Variants in EIF2S2 observed in about 807,000 individuals in gnomAD.
EIF2S2 encodes the protein eukaryotic translation initiation factor 2 subunit 2.
Under a neutral mutation model 44.0 loss-of-function variants are expected in EIF2S2, and 4 were observed. That is an observed-to-expected ratio of 0.09 (90% CI 0.04 to 0.21). The LOEUF (loss-of-function observed/expected upper bound fraction) is 0.21. Ranked by LOEUF, EIF2S2 falls within the 10% of genes least tolerant of loss-of-function variation. The pLI, the probability that EIF2S2 is intolerant of heterozygous loss-of-function variation, is 1.00. For missense variants in EIF2S2, 154 were observed against 392.0 expected (o/e 0.39, Z 5.13); for synonymous variants, 108 against 128.3 (o/e 0.84, Z 1.07).
intron 6 of EIF2S2, 63 bp downstream of exon 6, chr20:34,096,594 C>T: frequency 1.3e-6 from 2 of 1,484,010 alleles, no homozygotes; most frequent in Non-Finnish European, 9.1e-7. Context: ...GGACATTTAA[C>T]ATTCTTAAAA....
intron 7 of EIF2S2, among the ~76,000 whole-genome samples, chr20:34,093,016 T>C (rs765939752): frequency 8.5e-5 from 13 of 152,242 alleles, no homozygotes; most frequent in Non-Finnish European, 1.8e-4. Flanking sequence ...TGAAGATTAA[T>C]TGAGATGGCA....
At chr20:34,104,632 C>T (rs2034328242) in intron 2 of EIF2S2, among the ~76,000 whole-genome samples, 1 of 152,162 alleles carries the variant, frequency 6.6e-6, no homozygotes, top group African/African-American at 2.4e-5. Flanking sequence ...TTTTACCTAC[C>T]ATTAATGAGT....
intron 8 of EIF2S2, among the ~76,000 whole-genome samples, chr20:34,090,286 ACAAT>A (rs2122385950): frequency 6.6e-6 from 1 of 152,392 alleles, no homozygotes; most frequent in African/African-American, 2.4e-5. Context: ...CTTCAGCCCT[ACAAT>A]CAACCAGCAG....
chr20:34,096,712 C>T lies in EIF2S2; in HGVS notation c.628G>A (p.Val210Ile), dbSNP rs760616209. ...GAAGTTTTCTTGGTTCCTACTCGGA[C>T]GACTTGTGGAGGTTTCATGACAAAT... ...RKFVMKPPQV[V>I]RVGTKKTSFV... The change falls in exon 6 of 9, where the codon GTC becomes ATC. Residue 210 changes from valine (V) to isoleucine (I), a missense_variant. By Grantham distance (29) the Val-to-Ile change is conservative (BLOSUM62 3). Transcript: ENST00000374980. The T allele has an allele frequency of 3.7e-6, 6 of 1,610,780 alleles. No individual in the cohort carries two copies. The highest frequency in any genetic ancestry group is 4.2e-6 in the Non-Finnish European group (5 of 1,179,524).
chr20:34,099,230 G>A (rs1392971826), intron 3 of EIF2S2, among the ~76,000 whole-genome samples: 2 of 152,144 alleles, frequency 1.3e-5, no homozygotes, highest in African/African-American at 4.8e-5. Context: ...TTAGCTGGAT[G>A]TGGTGGCAGG....
At chr20:34,097,565 A>C in intron 4 of EIF2S2, 49 bp from the exon 5 acceptor site, 1 of 1,483,082 alleles carries the variant, frequency 6.7e-7, no homozygotes, top group Non-Finnish European at 9.3e-7. Context: ...CTACTACAAT[A>C]CAAAAGTGGG....
chr20:34,097,543 G>A (rs1333986245), intron 4 of EIF2S2, 27 bp from the exon 5 acceptor site: 2 of 1,590,376 alleles, frequency 1.3e-6, no homozygotes, highest in Non-Finnish European at 1.7e-6. Context: ...TTTTAAGAAT[G>A]AGGGGTGGGC....
chr20:34,094,475 T>C lies in EIF2S2; in HGVS notation c.684-744A>G, dbSNP rs763208578. Among the ~76,000 whole-genome samples, 13 of 152,196 alleles carry C rather than the reference T, an allele frequency of 8.5e-5. No individual in the cohort carries two copies. The East Asian group carries it at 9.6e-4, about 11-fold the overall frequency. Reference sequence around the variant, plus strand: ...GCAAATGTGTCAAAAGTTCAACATATACCAAACCTAGGTGATGGATACTTG... The same window carrying C: ...GCAAATGTGTCAAAAGTTCAACATACACCAAACCTAGGTGATGGATACTTG... On this transcript the variant is annotated intron_variant, in intron 6 of 8. Coordinates refer to ENST00000374980, the MANE Select transcript of EIF2S2 (RefSeq NM_003908.5).
At chr20:34,098,200 C>T (rs1248915502) in intron 4 of EIF2S2, among the ~76,000 whole-genome samples, 4 of 150,208 alleles carry the variant, frequency 2.7e-5, no homozygotes, top group African/African-American at 4.9e-5. Context: ...GAGCCAAGAT[C>T]GTGTCATTGC....
At chr20:34,098,464 AC>A in intron 4 of EIF2S2, 33 bp downstream of exon 4, 2 of 1,608,214 alleles carry the variant, frequency 1.2e-6, no homozygotes, top group Non-Finnish European at 1.7e-6. Context: ...GGCTTGAGTA[AC>A]CTCTAAATGT....
intron 3 of EIF2S2, among the ~76,000 whole-genome samples, chr20:34,099,411 T>C (rs1601534524): frequency 6.6e-6 from 1 of 151,856 alleles, no homozygotes; most frequent in Non-Finnish European, 1.5e-5. Context: ...TTAAATCGGA[T>C]TGATGATCTT....
intron 7 of EIF2S2, 126 bp downstream of exon 7, chr20:34,093,549 C>T: frequency 1.3e-6 from 1 of 777,508 alleles, no homozygotes; most frequent in African/African-American, 1.8e-5. Context: ...TTCACTCCTC[C>T]ACTGGCCTAA....
rs1374859200 is a variant in EIF2S2, at chr20:34,098,590, T to G, written c.341A>C (p.Glu114Ala). 6.2e-7 allele frequency: 1 copy of G among 1,614,048 alleles called. No individual in the cohort carries two copies. The highest frequency in any genetic ancestry group is 1.1e-5 in the South Asian group (1 of 91,082). Residue 114 changes from glutamate to alanine, a missense_variant, in exon 4 of 9, where the codon GAG becomes GCG. Physicochemically the swap from Glu to Ala is moderately radical, Grantham distance 107. Around this residue, in one of 2 missense-constraint regions of EIF2S2, gnomAD observed 134 missense variants for 225.0 expected, o/e 0.60. Transcript: ENST00000374980. ...GCCAAGCATAATGTCAAGGTCATCC[T>G]CTGGTTCAGTTGGTTCTTGAACATC... The part of the protein sequence containing the change: ...ESDVQEPTEP[E>A]DDLDIMLGNK...
chr20:34,109,555 G>A (rs955975225), intron 1 of EIF2S2, among the ~76,000 whole-genome samples: 3 of 152,090 alleles, frequency 2.0e-5, no homozygotes, highest in Non-Finnish European at 2.9e-5. Context: ...AGCTACTTGC[G>A]AGGCTGAGGC....
rs2034127322 is a variant in EIF2S2 at position 34,088,910 on chromosome 20, CCT to C, written c.*818_*819del. 6.6e-6 allele frequency: 1 copy of C among 152,398 alleles called. No individual in the cohort carries two copies. Among genetic ancestry groups the C allele is most frequent in the Non-Finnish European group, 1.5e-5 (1 of 68,028 alleles). 9.4% of individuals were successfully genotyped at this position (152,398 alleles called of 1,614,324 possible). A position where few individuals can be genotyped will look rare whatever the true frequency, so the allele number is the denominator to read the frequency against. Reference sequence around the variant, plus strand: ...AAAACGGAAAGCTTCCTCTGGCATCCCTGTTTGGACTCCTCCTCCTCTTGGAG... The same window carrying C: ...AAAACGGAAAGCTTCCTCTGGCATCCGTTTGGACTCCTCCTCCTCTTGGAG... On this transcript the variant is annotated 3_prime_UTR_variant, in exon 9 of 9. Transcript: ENST00000374980.
intron 3 of EIF2S2, among the ~76,000 whole-genome samples, chr20:34,099,333 G>A (rs1243692845): frequency 6.6e-6 from 1 of 151,642 alleles, no homozygotes; most frequent in East Asian, 1.9e-4. Context: ...CTCCAGCCTG[G>A]GCAACAAGAG....
chr20:34,105,456 T>G lies in EIF2S2; in HGVS notation c.105A>C (p.Glu35Asp), dbSNP rs1365652129. The G allele has an allele frequency of 6.2e-7, 1 of 1,614,018 alleles. No individual in the cohort carries two copies. Among genetic ancestry groups the G allele is most frequent in the African/African-American group, 1.3e-5 (1 of 74,922 alleles). ...CTTCTTTTGTTTCTGAAGGCTGGGT[T>G]TCCTCTGTTTGGGTATCCCCTTCCT... is the stretch of plus-strand genomic sequence containing the variant. ...LDEEGDTQTEETQPSETKEVE... is the reference protein window; with the variant it reads ...LDEEGDTQTEDTQPSETKEVE... The change falls in exon 2 of 9, where the codon GAA (glutamate) becomes GAC (aspartate). Residue 35 changes from glutamate (E) to aspartate (D), a missense_variant. Glu to Asp is a conservative substitution (Grantham distance 45). Transcript: ENST00000374980.
At chr20:34,111,296 A>G (rs1385541181) in intron 1 of EIF2S2, among the ~76,000 whole-genome samples, 1 of 152,224 alleles carries the variant, frequency 6.6e-6, no homozygotes, top group Non-Finnish European at 1.5e-5. Flanking sequence ...GCCTCCCCCA[A>G]TGTTAAGCAA....
intron 3 of EIF2S2, among the ~76,000 whole-genome samples, chr20:34,101,147 T>G (rs2034290517): frequency 6.6e-6 from 1 of 152,138 alleles, no homozygotes; most frequent in African/African-American, 2.4e-5. Flanking sequence ...CATGTGGCTA[T>G]CAAGACCAAT....
Sources: gnomAD v4.1 joint callset for allele counts (sites outside exome capture counted in the v4.1 genomes callset) on GRCh38, gnomAD v4.1.1 for gene constraint, gnomAD v4.1.1 regional missense constraint, MANE v1.5 for transcripts, NCBI Gene and HGNC (gene_info 2026-07-23, HGNC 2026-07-21) for gene names.